Variants in RAD17 observed in about 807,000 individuals in gnomAD.
The protein encoded by RAD17 is RAD17 checkpoint clamp loader component, also known as cell cycle checkpoint protein RAD17.
In RAD17, 31 loss-of-function variants were observed where a neutral mutation model predicts 81.5. The ratio of observed to expected loss-of-function variants is 0.38; its 90% CI spans 0.29 to 0.51. The LOEUF is 0.51. RAD17 is among the 20% of genes least tolerant of loss of function. The pLI, the probability that RAD17 is intolerant of heterozygous loss-of-function variation, is 0.88. For synonymous variants in RAD17, 261 were observed against 266.2 expected, an observed-to-expected ratio of 0.98 and a Z score of 0.19; for missense variants, 681 against 781.2, an observed-to-expected ratio of 0.87 and a Z score of 1.53.
At chr5:69,369,427 GC>G, upstream of RAD17, 1 of 1,605,902 alleles carries the variant, frequency 6.2e-7, no homozygotes, top group South Asian at 1.1e-5. Flanking sequence ...CCCCCAGCCT[GC>G]CCCAGCCCAG....
intron 6 of RAD17, among the ~76,000 whole-genome samples, chr5:69,378,706 T>C (rs959694538): frequency 6.6e-6 from 1 of 152,230 alleles, no homozygotes; most frequent in African/African-American, 2.4e-5. Context: ...TATTTAATGT[T>C]CAGTCATGCT....
At chr5:69,378,008 G>A (rs945396610) in intron 6 of RAD17, among the ~76,000 whole-genome samples, 2 of 151,858 alleles carry the variant, frequency 1.3e-5, no homozygotes, top group Admixed American at 6.6e-5. Context: ...TGTTGCCCAC[G>A]CTGGTCTTGA....
In RAD17 at chr5:69,389,049, A is replaced by G. The variant is rs1367801307; in HGVS notation, c.910A>G (p.Thr304Ala). The G allele has an allele frequency of 2.0e-6, 3 of 1,491,564 alleles. No homozygotes were observed. Among genetic ancestry groups the G allele is most frequent in the Admixed American group, 2.3e-5 (1 of 42,674 alleles). The allele number at this position is 1,491,564 out of a possible 1,614,324, so 92.4% of individuals were successfully genotyped here. The change falls in exon 12 of 19, where the codon ACT becomes GCT. Residue 304 changes from threonine (T) to alanine (A), a missense_variant. Physicochemically the swap from Thr to Ala is moderately conservative, Grantham distance 58 (BLOSUM62 0). Transcript: ENST00000354868. ...IEANKNGGKI[T>A]VPDKTSLELL... is the part of the protein sequence containing the mutation. ...CTTATTTTAGAATGGAGGAAAAATTACTGTCCCTGACAAAACTTCTCTAGA... is the reference window on the plus strand; with the variant it reads ...CTTATTTTAGAATGGAGGAAAAATTGCTGTCCCTGACAAAACTTCTCTAGA...
intron 15 of RAD17, among the ~76,000 whole-genome samples, chr5:69,395,202 A>G (rs1764807009): frequency 6.6e-6 from 1 of 152,202 alleles, no homozygotes; most frequent in Non-Finnish European, 1.5e-5. Context: ...TTTCCATCCT[A>G]TAAATAAATT....
In RAD17 at chr5:69,404,750, CAA is replaced by C. The variant is rs531264143; in HGVS notation, c.1693+4582_1693+4583del. ...CACCATTGCACTCCAGCCTGGGCAA[CAA>C]GAGCAAAATTCTGTTTCAAAAAAAA... On this transcript the variant is annotated intron_variant, in intron 17 of 18. Coordinates refer to ENST00000354868, the MANE Select transcript of RAD17 (RefSeq NM_133338.3). Among the ~76,000 whole-genome samples the C allele has an allele frequency of 4.1e-4, 60 of 145,958 alleles. No homozygotes were observed. In the East Asian group the frequency reaches 8.1e-3, roughly 20 times the overall value.
At chr5:69,403,513 C>T (rs1362092673) in intron 17 of RAD17, among the ~76,000 whole-genome samples, 1 of 152,188 alleles carries the variant, frequency 6.6e-6, no homozygotes, top group Non-Finnish European at 1.5e-5. Context: ...ACATTTTAAA[C>T]ACTTTAAGTA....
chr5:69,400,141 T>A lies in RAD17; in HGVS notation c.1665T>A (p.Ala555=), dbSNP rs777640917. 6.4e-7 allele frequency: 1 copy of A among 1,565,720 alleles called. No homozygotes were observed. Among genetic ancestry groups the A allele is most frequent in the Non-Finnish European group, 8.6e-7 (1 of 1,157,152 alleles). ...CLQTQLLPYL[A]LLTIPMRNQA... ...AAACTCAGCTATTGCCATACCTTGC[T>A]CTACTAACCATTCCAATGAGAAATC... Residue 555 remains alanine, a synonymous_variant, in exon 17 of 19, where the codon GCT becomes GCA. Transcript: ENST00000354868.
upstream of RAD17, chr5:69,369,343 T>G (rs1484717808): frequency 6.5e-6 from 7 of 1,075,218 alleles, no homozygotes; most frequent in Admixed American, 7.4e-5. Context: ...AACCGCCTCG[T>G]GGCCCTCGGC....
upstream of RAD17, chr5:69,369,716 T>A (rs764215466): frequency 1.2e-5 from 19 of 1,550,836 alleles, no homozygotes; most frequent in South Asian, 2.0e-4. Context: ...CTCGGGTCGG[T>A]ACTTCGGGTC....
rs374484782 is a variant in RAD17, at chr5:69,386,166, T to C, written c.699-14T>C. ...TGGCTTAAATTTCAACATTGCTGTA[T>C]TTTGTTATTTTAGGAAGTATGTGAG... On this transcript the variant is annotated splice_polypyrimidine_tract_variant and intron_variant, in intron 9 of 18. Transcript: ENST00000354868. 27 of 1,601,678 alleles carry C rather than the reference T, an allele frequency of 1.7e-5. No homozygotes were observed. The highest frequency in any genetic ancestry group is 2.7e-5 in the African/African-American group (2 of 74,556).
At chr5:69,410,274 A>G (rs1027397180) in intron 17 of RAD17, among the ~76,000 whole-genome samples, 8 of 152,192 alleles carry the variant, frequency 5.3e-5, no homozygotes, top group Admixed American at 2.6e-4. Flanking sequence ...CCCATGAGCA[A>G]TGCACAAGGG....
In RAD17 at chr5:69,372,432, G is replaced by C. The variant is rs376676681; in HGVS notation, c.9+215G>C. ...ATTGTCTAATAAATAGCTCAACTGT[G>C]GCTGAGTATTCTTGAAAGAAATATA... On this transcript the variant is annotated intron_variant, in intron 4 of 18. Transcript: ENST00000354868. 3.3e-5 allele frequency among the ~76,000 whole-genome samples: 5 copies of C among 152,184 alleles called. No homozygotes were observed. In the East Asian group the frequency reaches 9.6e-4, roughly 29 times the overall value.
At chr5:69,380,006 G>A (rs1763748046) in intron 6 of RAD17, among the ~76,000 whole-genome samples, 1 of 151,698 alleles carries the variant, frequency 6.6e-6, no homozygotes, top group Admixed American at 6.6e-5. Context: ...TCAGCCTCCT[G>A]AGTAGCTGGG....
chr5:69,402,990 A>C (rs1224411618), intron 17 of RAD17, among the ~76,000 whole-genome samples: 2 of 152,266 alleles, frequency 1.3e-5, no homozygotes, highest in South Asian at 2.1e-4. Flanking sequence ...AATTGTCCTA[A>C]TAATATCCTT....
intron 6 of RAD17, among the ~76,000 whole-genome samples, chr5:69,379,656 AT>A (rs1282693954): frequency 6.6e-6 from 1 of 152,058 alleles, no homozygotes. Flanking sequence ...TTAAAAAAAA[AT>A]TTTTAAGCTT....
At chr5:69,386,933 T>C (rs1402174249) in intron 11 of RAD17, among the ~76,000 whole-genome samples, 1 of 151,636 alleles carries the variant, frequency 6.6e-6, no homozygotes, top group African/African-American at 2.4e-5. Context: ...TCACTTTTTT[T>C]TTTTTTTTGG....
chr5:69,378,162 A>T (rs1018665110), intron 6 of RAD17, among the ~76,000 whole-genome samples: 1 of 152,138 alleles, frequency 6.6e-6, no homozygotes, highest in Admixed American at 6.5e-5. Context: ...AAATGTTTTT[A>T]TTCAAAAAAA....
Position 69,396,394 on chromosome 5 carries a change from T to C in RAD17, c.1423-3T>C, listed in dbSNP as rs1375358569. The C allele has an allele frequency of 6.2e-7, 1 of 1,605,776 alleles. No homozygotes were observed. Among genetic ancestry groups the C allele is most frequent in the East Asian group, 2.2e-5 (1 of 44,810 alleles). On this transcript the variant is annotated splice_region_variant and splice_polypyrimidine_tract_variant and intron_variant, in intron 15 of 18. Transcript: ENST00000354868. ...TTCTTTCACATCTTGTCTCATTTGTTAGACACGCTCTTTACTCAGGGAATA... is the reference window on the plus strand; with the variant it reads ...TTCTTTCACATCTTGTCTCATTTGTCAGACACGCTCTTTACTCAGGGAATA...
Position 69,371,441 on chromosome 5 carries a change from C to G in RAD17, c.-279-13C>G. ...TTCTTCATTTGAGGGCTTCTTCCCCCCCCCCCCCCCAGGTGAATTATAGTT... is the reference window on the plus strand; with the variant it reads ...TTCTTCATTTGAGGGCTTCTTCCCCGCCCCCCCCCCAGGTGAATTATAGTT... On this transcript the variant is annotated splice_polypyrimidine_tract_variant and intron_variant, in intron 2 of 18. Coordinates refer to ENST00000354868, the MANE Select transcript of RAD17 (RefSeq NM_133338.3). 2 of 308,700 alleles carry G rather than the reference C, an allele frequency of 6.5e-6. No individual in the cohort carries two copies. Among genetic ancestry groups the G allele is most frequent in the African/African-American group, 2.6e-5 (1 of 39,116 alleles). 19.1% of individuals were successfully genotyped at this position (308,700 alleles called of 1,614,324 possible). A position where few individuals can be genotyped will look rare whatever the true frequency, so the allele number is the denominator to read the frequency against.
Sources: gnomAD v4.1 joint callset for allele counts (sites outside exome capture counted in the v4.1 genomes callset) on GRCh38, gnomAD v4.1.1 for gene constraint, MANE v1.5 for transcripts, NCBI Gene and HGNC (gene_info 2026-07-23, HGNC 2026-07-21) for gene names.